ATRIP: variants seen among roughly 807,000 people sequenced by gnomAD.
ATRIP encodes ATR-interacting protein.
Under a neutral mutation model 78.1 loss-of-function variants are expected in ATRIP, and 44 were observed. The observed-to-expected ratio is 0.56, with a 90% CI of 0.44 to 0.72. The LOEUF (loss-of-function observed/expected upper bound fraction) is 0.72, where lower values mean the gene tolerates loss of function less well. Among genes scored for constraint, ATRIP ranks in the 30% least tolerant of loss-of-function variants. The pLI, the probability that ATRIP is intolerant of heterozygous loss-of-function variation, is 0.00. For synonymous variants in ATRIP, 388 were observed against 408.9 expected (o/e 0.95, Z 0.62); for missense variants, 927 against 980.2 (o/e 0.95, Z 0.72).
Position 48,457,387 on chromosome 3 carries a change from C to G in ATRIP, c.800C>G (p.Ser267Ter). The G allele has an allele frequency of 6.3e-7, 1 of 1,596,642 alleles. No individual in the cohort carries two copies. The highest frequency in any genetic ancestry group is 8.5e-7 in the Non-Finnish European group (1 of 1,172,306). Residue 267 changes from serine to a stop codon, truncating the protein, a stop_gained, in exon 5 of 13, where the codon TCA becomes TGA. Transcript: ENST00000320211. LOFTEE classifies it high-confidence loss of function. ...MSLPHPCQTE[S>*]GYKPLVGRED... is the part of the protein sequence containing the mutation. ...CTTCCCCACCCCTGCCAGACGGAGT[C>G]AGGATACAAGCCTCTGGTGGGCAGA...
At position 48,460,518 on chromosome 3, in the gene ATRIP, C is replaced by G. The variant is rs368814073; in HGVS notation, c.1464C>G (p.His488Gln). 6.2e-7 allele frequency: 1 copy of G among 1,613,484 alleles called. No homozygotes were observed. Among genetic ancestry groups the G allele is most frequent in the African/African-American group, 1.3e-5 (1 of 74,924 alleles). Residue 488 changes from histidine to glutamine, a missense_variant, in exon 8 of 13, where the codon CAC (histidine) becomes CAG (glutamine). His to Gln is a conservative substitution (Grantham distance 24). Transcript: ENST00000320211. ...GCATTCTTCAGCACCTGGTGTGCCA[C>G]AGCGGAGCAGTCGTCTCCCTATTAC... ...ALSILQHLVC[H>Q]SGAVVSLLLS...
chr3:48,462,137 G>A (rs1006010249), intron 8 of ATRIP, among the ~76,000 whole-genome samples: 1 of 151,990 alleles, frequency 6.6e-6, no homozygotes, highest in Non-Finnish European at 1.5e-5. Context: ...AGACCAGCGT[G>A]GGCAACAAAG....
Position 48,467,487 on chromosome 3 carries a change from G to C in ATRIP, c.*1933G>C. On this transcript the variant is annotated 3_prime_UTR_variant, in exon 13 of 13. Transcript: ENST00000320211. The stretch of plus-strand genomic sequence containing the variant: ...TACCAAGGATCTTCCTCCAGTGAAG[G>C]ACCCTGGAGCCCTATCCAGGGAGGG... The C allele has an allele frequency of 6.2e-7, 1 of 1,614,104 alleles. No individual in the cohort carries two copies. Among genetic ancestry groups the C allele is most frequent in the Non-Finnish European group, 8.5e-7 (1 of 1,180,022 alleles).
intron 12 of ATRIP, 75 bp downstream of exon 12, chr3:48,465,158 G>A: frequency 2.6e-6 from 4 of 1,548,256 alleles, no homozygotes; most frequent in Non-Finnish European, 3.5e-6. Flanking sequence ...CAGATTCCTG[G>A]GTGTCCCCTC....
At chr3:48,457,056 T>A (rs7618883) in intron 4 of ATRIP, among the ~76,000 whole-genome samples, 92,580 of 152,000 alleles carry the variant, frequency 0.61, 28,390 homozygotes, top group East Asian at 0.7. Context: ...ATTAAAATTT[T>A]AAAATATTTT....
At position 48,446,865 on chromosome 3, in the gene ATRIP, C is replaced by G; in HGVS notation, c.20C>G (p.Pro7Arg). Residue 7 changes from proline to arginine, a missense_variant, in exon 1 of 13, where the codon CCA (proline) becomes CGA (arginine). Pro to Arg is a moderately radical substitution (Grantham distance 103). Coordinates refer to ENST00000320211, the MANE Select transcript of ATRIP (RefSeq NM_130384.3). MAGTSAPGSKRRSEPPA... is the reference protein window; with the variant it reads MAGTSARGSKRRSEPPA... Reference sequence around the variant, plus strand: ...GAAAGCATGGCGGGGACCTCCGCGCCAGGCAGCAAGAGGCGGAGCGAGCCC... The same window carrying G: ...GAAAGCATGGCGGGGACCTCCGCGCGAGGCAGCAAGAGGCGGAGCGAGCCC... 1.4e-6 allele frequency: 2 copies of G among 1,402,510 alleles called. No individual in the cohort carries two copies. Among genetic ancestry groups the G allele is most frequent in the Non-Finnish European group, 9.3e-7 (1 of 1,080,548 alleles). 86.9% of individuals were successfully genotyped at this position (1,402,510 alleles called of 1,614,324 possible). A position where few individuals can be genotyped will look rare whatever the true frequency, so the allele number is the denominator to read the frequency against.
intron 5 of ATRIP, among the ~76,000 whole-genome samples, chr3:48,458,762 T>C (rs2040021816): frequency 6.6e-6 from 1 of 152,244 alleles, no homozygotes; most frequent in African/African-American, 2.4e-5. Context: ...ATCGGATACA[T>C]TGACCCTCTT....
chr3:48,464,252 ATAAAGCAAC>A, intron 10 of ATRIP, 120 bp downstream of exon 10: 5 of 935,700 alleles, frequency 5.3e-6, no homozygotes, highest in Non-Finnish European at 8.2e-6. Flanking sequence ...ACAAGAGTTG[ATAAAGCAAC>A]TAAAGAGGTA....
chr3:48,467,624 T>TAAAG lies in ATRIP; in HGVS notation c.*2072_*2075dup, dbSNP rs774918442. Reference sequence around the variant, plus strand: ...AGGCCAAGAAGGAAAATCTGACGAATAAAGACCCCCGCTGCCCCATAGCAC... The same window carrying TAAAG: ...AGGCCAAGAAGGAAAATCTGACGAATAAAGAAAGACCCCCGCTGCCCCATAGCAC... On this transcript the variant is annotated 3_prime_UTR_variant, in exon 13 of 13. Transcript: ENST00000320211. 4 of 1,604,218 alleles carry TAAAG rather than the reference T, an allele frequency of 2.5e-6. No individual in the cohort carries two copies. Among genetic ancestry groups the TAAAG allele is most frequent in the South Asian group, 1.1e-5 (1 of 89,942 alleles).
intron 3 of ATRIP, 144 bp downstream of exon 3, chr3:48,452,043 C>A: frequency 1.2e-6 from 1 of 819,748 alleles, no homozygotes; most frequent in Non-Finnish European, 1.8e-6. Context: ...ATCCACTCTT[C>A]TTCCAGGGTC....
In ATRIP at chr3:48,463,317, G is replaced by A. The variant is rs559391917; in HGVS notation, c.1746-428G>A. Among the ~76,000 whole-genome samples, 3 of 152,220 alleles carry A rather than the reference G, an allele frequency of 2.0e-5. No individual in the cohort carries two copies. In the East Asian group the frequency reaches 5.8e-4, roughly 29 times the overall value. On this transcript the variant is annotated intron_variant, in intron 8 of 12. Coordinates refer to ENST00000320211, the MANE Select transcript of ATRIP (RefSeq NM_130384.3). ...AATGGCTTTCCTTGCCCTGTGAGAG[G>A]TCTCATAAGATCCAGCCATAGCCAA...
In ATRIP at chr3:48,466,309, G is replaced by GGTGA; in HGVS notation, c.*759_*762dup. On this transcript the variant is annotated 3_prime_UTR_variant, in exon 13 of 13. Transcript: ENST00000320211. ...TACTGCCTGCCTGCCTGCCTGCTAC[G>GGTGA]GTGAGTGTGGCCCCCACAATGGGAT... The GGTGA allele has an allele frequency of 5.3e-6, 4 of 755,756 alleles. No individual in the cohort carries two copies. Among genetic ancestry groups the GGTGA allele is most frequent in the Admixed American group, 2.2e-5 (1 of 46,276 alleles). The allele number at this position is 755,756 out of a possible 1,614,324, so 46.8% of individuals were successfully genotyped here.
At position 48,460,217 on chromosome 3, in the gene ATRIP, T is replaced by C. The variant is rs761695522; in HGVS notation, c.1163T>C (p.Leu388Pro). ...AACCTGGCATTCACTGGACTGAATC[T>C]GGTTGCCCGGAATGAGTGCTCACGT... is the stretch of plus-strand genomic sequence containing the variant. The part of the protein sequence containing the change: ...AQNLAFTGLN[L>P]VARNECSRDG... Residue 388 changes from leucine (L) to proline (P), a missense_variant, in exon 8 of 13, where the codon CTG becomes CCG. By Grantham distance (98) the Leu-to-Pro change is moderately conservative. Coordinates refer to ENST00000320211, the MANE Select transcript of ATRIP (RefSeq NM_130384.3). 6.2e-7 allele frequency: 1 copy of C among 1,614,188 alleles called. No homozygotes were observed. The highest frequency in any genetic ancestry group is 1.7e-5 in the Admixed American group (1 of 60,016).
At chr3:48,460,882 T>TACGGCGAC in intron 8 of ATRIP, 83 bp downstream of exon 8, 1 of 1,344,982 alleles carries the variant, frequency 7.4e-7, no homozygotes, top group Non-Finnish European at 1.0e-6. Context: ...TGTACTTTGC[T>TACGGCGAC]CACATCTTGA....
Position 48,459,768 on chromosome 3 carries a change from G to A in ATRIP, c.926-19G>A. 2 of 1,607,032 alleles carry A rather than the reference G, an allele frequency of 1.2e-6. No individual in the cohort carries two copies. The highest frequency in any genetic ancestry group is 1.7e-6 in the Non-Finnish European group (2 of 1,178,268). Reference sequence around the variant, plus strand: ...ATCTCCCATGTCAGAACCTTCTAGAGTCATCTTGTCTTCTGCAGGTTCCAT... The same window carrying A: ...ATCTCCCATGTCAGAACCTTCTAGAATCATCTTGTCTTCTGCAGGTTCCAT... On this transcript the variant is annotated intron_variant, in intron 6 of 12. Transcript: ENST00000320211.
Position 48,465,470 on chromosome 3 carries a change from T to C in ATRIP, c.2309-17T>C, listed in dbSNP as rs780596477. 14 of 1,612,958 alleles carry C rather than the reference T, an allele frequency of 8.7e-6. No individual in the cohort carries two copies. In the East Asian group the frequency reaches 3.1e-4, roughly 36 times the overall value. On this transcript the variant is annotated splice_polypyrimidine_tract_variant and intron_variant, in intron 12 of 12. Transcript: ENST00000320211. ...CACCTTTGGGCCCTCACCAGGAACC[T>C]CTCCTTTTTGTCTCAGAGGCAGCCC...
intron 1 of ATRIP, among the ~76,000 whole-genome samples, chr3:48,449,363 G>A (rs923496839): frequency 7.4e-6 from 1 of 134,892 alleles, no homozygotes; most frequent in African/African-American, 2.9e-5. Flanking sequence ...GCAGTGAGCC[G>A]AGATCACGCC....
At chr3:48,457,858 T>A (rs962485346) in intron 5 of ATRIP, among the ~76,000 whole-genome samples, 2 of 152,176 alleles carry the variant, frequency 1.3e-5, no homozygotes, top group African/African-American at 2.4e-5. Flanking sequence ...ACCTTTTTTT[T>A]AATTTTTATT....
chr3:48,447,210 G>A, intron 1 of ATRIP, 118 bp downstream of exon 1: 1 of 1,284,402 alleles, frequency 7.8e-7, no homozygotes, highest in Non-Finnish European at 9.8e-7. Flanking sequence ...TTTAAAATAT[G>A]GGAACACCCT....
Sources: gnomAD v4.1 joint callset for allele counts (sites outside exome capture counted in the v4.1 genomes callset) on GRCh38, gnomAD v4.1.1 for gene constraint, MANE v1.5 for transcripts, NCBI Gene and HGNC (gene_info 2026-07-23, HGNC 2026-07-21) for gene names.